The following PTTG1IP2 variants were observed in gnomAD, a reference collection of about 807,000 sequenced individuals.
PTTG1IP2 encodes the protein PTTG1IP family member 2.
chr7:90,511,622 A>G (rs761573789), intron 6 of PTTG1IP2, among the ~76,000 whole-genome samples: 3 of 152,156 alleles, frequency 2.0e-5, no homozygotes, highest in Non-Finnish European at 2.9e-5. Flanking sequence ...GCCATCTCCA[A>G]ACAATTTTTA....
At chr7:90,472,112 A>G (rs940865357) in intron 1 of PTTG1IP2, among the ~76,000 whole-genome samples, 3 of 152,212 alleles carry the variant, frequency 2.0e-5, no homozygotes, top group African/African-American at 4.8e-5. Flanking sequence ...CTTGAAAAAA[A>G]TCTCAAGGAT....
intron 6 of PTTG1IP2, among the ~76,000 whole-genome samples, chr7:90,504,336 A>G (rs909669965): frequency 3.9e-5 from 6 of 152,090 alleles, no homozygotes; most frequent in Admixed American, 2.0e-4. Context: ...AAAAAAGCAC[A>G]TCTAATGGGA....
intron 6 of PTTG1IP2, among the ~76,000 whole-genome samples, chr7:90,512,999 C>G (rs912276671): frequency 3.3e-5 from 5 of 152,172 alleles, no homozygotes; most frequent in Non-Finnish European, 7.3e-5. Flanking sequence ...CATGAACATT[C>G]CCTTTCGTGT....
At chr7:90,489,308 C>G (rs1797912673) in intron 4 of PTTG1IP2, among the ~76,000 whole-genome samples, 2 of 151,724 alleles carry the variant, frequency 1.3e-5, no homozygotes, top group Non-Finnish European at 3.0e-5. Context: ...GACCCCCAAT[C>G]ATTAAAGCAG....
At chr7:90,470,430 G>A (rs1797670129) in intron 1 of PTTG1IP2, 1 of 152,136 alleles carries the variant, frequency 6.6e-6, no homozygotes, top group Non-Finnish European at 1.5e-5. Context: ...TTAAATTCAT[G>A]AACCTGGAAA....
At chr7:90,513,028 C>T (rs1798207301) in intron 6 of PTTG1IP2, among the ~76,000 whole-genome samples, 1 of 152,234 alleles carries the variant, frequency 6.6e-6, no homozygotes, top group Admixed American at 6.5e-5. Flanking sequence ...GGAAATAAAT[C>T]GTTTATGTTA....
At chr7:90,490,736 G>A (rs952372149) in intron 4 of PTTG1IP2, among the ~76,000 whole-genome samples, 1 of 152,116 alleles carries the variant, frequency 6.6e-6, no homozygotes, top group African/African-American at 2.4e-5. Flanking sequence ...CCTTGTAAGT[G>A]TCATCACTTT....
intron 6 of PTTG1IP2, among the ~76,000 whole-genome samples, chr7:90,506,569 T>A: frequency 6.6e-6 from 1 of 152,066 alleles, no homozygotes; most frequent in East Asian, 1.9e-4. Context: ...TCAAAACCAG[T>A]CTGAGCAACA....
chr7:90,492,368 C>T (rs942374441), intron 5 of PTTG1IP2, 59 bp downstream of exon 5: 1 of 152,008 alleles, frequency 6.6e-6, no homozygotes, highest in African/African-American at 2.4e-5. Context: ...CAGCTTGCTC[C>T]CTTGTTCCAA....
chr7:90,471,431 C>G (rs1355179830), intron 1 of PTTG1IP2, among the ~76,000 whole-genome samples: 1 of 152,158 alleles, frequency 6.6e-6, no homozygotes, highest in Non-Finnish European at 1.5e-5. Flanking sequence ...GCTTAGTAAT[C>G]AATATCTCAA....
intron 6 of PTTG1IP2, among the ~76,000 whole-genome samples, chr7:90,512,716 A>G (rs1011483943): frequency 6.6e-6 from 1 of 152,244 alleles, no homozygotes; most frequent in African/African-American, 2.4e-5. Context: ...CAATAGTGTC[A>G]AGGAAGACAA....
chr7:90,510,499 T>TTGTG (rs148527314), intron 6 of PTTG1IP2, among the ~76,000 whole-genome samples: 1 of 151,434 alleles, frequency 6.6e-6, no homozygotes, highest in African/African-American at 2.4e-5. Flanking sequence ...CGAGCTTTAT[T>TTGTG]TGTGTGTGTG....
chr7:90,498,513 G>A (rs1190009527), intron 6 of PTTG1IP2, among the ~76,000 whole-genome samples: 2 of 151,962 alleles, frequency 1.3e-5, no homozygotes, highest in South Asian at 2.1e-4. Context: ...AGAGAGCAGG[G>A]GTAGCTATAC....
intron 6 of PTTG1IP2, among the ~76,000 whole-genome samples, chr7:90,509,596 T>C (rs1036048675): frequency 2.0e-5 from 3 of 152,180 alleles, no homozygotes; most frequent in Admixed American, 1.3e-4. Context: ...ATTGTGAATC[T>C]GGAGCTGGGG....
chr7:90,477,599 T>G (rs141318452), intron 1 of PTTG1IP2, among the ~76,000 whole-genome samples: 5 of 152,268 alleles, frequency 3.3e-5, no homozygotes, highest in Non-Finnish European at 5.9e-5. Flanking sequence ...GTCAAGGTCA[T>G]GAAAGCAAGG....
At chr7:90,498,027 C>T (rs1798016920) in intron 6 of PTTG1IP2, among the ~76,000 whole-genome samples, 1 of 150,378 alleles carries the variant, frequency 6.6e-6, no homozygotes. Context: ...ATGAATGAAC[C>T]CCCCCTTTTT....
At chr7:90,485,383 T>C (rs1025493240) in intron 2 of PTTG1IP2, among the ~76,000 whole-genome samples, 1 of 152,138 alleles carries the variant, frequency 6.6e-6, no homozygotes, top group Non-Finnish European at 1.5e-5. Context: ...GTCTGAAATC[T>C]CTGAGAGATG....
intron 2 of PTTG1IP2, 58 bp downstream of exon 2, chr7:90,479,332 C>T (rs923250055): frequency 1.3e-5 from 2 of 152,452 alleles, no homozygotes; most frequent in Non-Finnish European, 2.9e-5. Flanking sequence ...TCACAATTTA[C>T]AGTTGTCATT....
At chr7:90,503,902 C>A (rs1046562122) in intron 6 of PTTG1IP2, among the ~76,000 whole-genome samples, 1 of 152,180 alleles carries the variant, frequency 6.6e-6, no homozygotes, top group African/African-American at 2.4e-5. Context: ...TTGCCTGACA[C>A]CAAGTTGCCA....
Sources: gnomAD v4.1 joint callset for allele counts (sites outside exome capture counted in the v4.1 genomes callset) on GRCh38, gnomAD v4.1.1 for gene constraint, MANE v1.5 for transcripts, NCBI Gene and HGNC (gene_info 2026-07-23, HGNC 2026-07-21) for gene names.